Variants in SAMM50 observed in about 807,000 individuals in gnomAD.
SAMM50 encodes the protein SAMM50 sorting and assembly machinery component, also known as sorting and assembly machinery component 50 homolog.
In SAMM50, 47 loss-of-function variants were observed where a neutral mutation model predicts 66.9. That is an observed-to-expected ratio of 0.70 (90% confidence interval 0.56 to 0.90). The LOEUF (loss-of-function observed/expected upper bound fraction) is 0.90. Among genes scored for constraint, SAMM50 ranks in the 40% least tolerant of loss-of-function variants. The pLI, the probability that SAMM50 is intolerant of heterozygous loss-of-function variation, is 0.00. For missense variants in SAMM50, 535 were observed against 595.3 expected (o/e 0.90, Z 1.05); for synonymous variants, 191 against 214.1 (o/e 0.89, Z 0.94).
rs1257272353 is a variant in SAMM50, at chr22:43,981,428, C to T, written c.974C>T (p.Pro325Leu). 1 of 1,613,636 alleles carries T rather than the reference C, an allele frequency of 6.2e-7. No homozygotes were observed. The change falls in exon 11 of 15, where the codon CCC becomes CTC. Residue 325 changes from proline to leucine, a missense_variant. Physicochemically the swap from Pro to Leu is moderately conservative, Grantham distance 98. Transcript: ENST00000350028. ...TCTTTCTGGGGCGGAATGTTGGTAC[C>T]CATTGGTGATAAGCCGTCAAGCATT... ...SASFWGGMLV[P>L]IGDKPSSIAD...
intron 1 of SAMM50, among the ~76,000 whole-genome samples, chr22:43,959,491 T>A (rs1274465812): frequency 7.5e-6 from 1 of 133,258 alleles, no homozygotes; most frequent in Non-Finnish European, 1.6e-5. Flanking sequence ...CAAATATTTA[T>A]TTTATTTTTT....
At chr22:43,968,226 C>CAAAAAAAAAAAAAAAAAAAAAAAAAAAAA (rs66961907) in intron 3 of SAMM50, among the ~76,000 whole-genome samples, 75 of 68,558 alleles carry the variant, frequency 1.1e-3, no homozygotes, top group Admixed American at 1.4e-3. Flanking sequence ...AACTCTGTCT[C>CAAAAAAAAAAAAAAAAAAAAAAAAAAAAA]AAAAAAAAAA....
intron 1 of SAMM50, among the ~76,000 whole-genome samples, chr22:43,959,285 T>G (rs371112412): frequency 6.6e-6 from 1 of 151,566 alleles, no homozygotes; most frequent in African/African-American, 2.4e-5. Flanking sequence ...TCCTGAAGTG[T>G]TGGGATTACA....
At chr22:43,969,160 T>G (rs1398364212) in intron 4 of SAMM50, among the ~76,000 whole-genome samples, 1 of 152,132 alleles carries the variant, frequency 6.6e-6, no homozygotes, top group Non-Finnish European at 1.5e-5. Context: ...AAGATACTGT[T>G]GTGTGAAGCC....
chr22:43,988,047 TTAAAA>T (rs948790634), intron 12 of SAMM50: 1 of 152,196 alleles, frequency 6.6e-6, no homozygotes, highest in Non-Finnish European at 1.5e-5. Context: ...ATGGTAGAAA[TTAAAA>T]TATTTTCATT....
In SAMM50 at chr22:43,989,080, T is replaced by C. The variant is rs369560305; in HGVS notation, c.1076-31T>C. On this transcript the variant is annotated intron_variant, in intron 12 of 14. Transcript: ENST00000350028. ...ACGTGATGTTAACCTTGTCGGACCT[T>C]GTTTTTGTTCTGCACCCCTCCTTTG... 6.9e-6 allele frequency: 11 copies of C among 1,593,572 alleles called. No homozygotes were observed. In the African/African-American group the frequency reaches 1.1e-4, roughly 16 times the overall value.
At chr22:43,958,412 A>G (rs531625665) in intron 1 of SAMM50, among the ~76,000 whole-genome samples, 49 of 150,392 alleles carry the variant, frequency 3.3e-4, no homozygotes, top group African/African-American at 8.8e-4. Flanking sequence ...ATGGTCTGCT[A>G]TGTGCCTAGC....
At chr22:43,970,955 A>G (rs920215840) in intron 4 of SAMM50, among the ~76,000 whole-genome samples, 2 of 152,210 alleles carry the variant, frequency 1.3e-5, no homozygotes. Flanking sequence ...TCATGAGGTC[A>G]GGAGTTCGAG....
intron 13 of SAMM50, among the ~76,000 whole-genome samples, chr22:43,989,534 C>T (rs1380721273): frequency 6.6e-6 from 1 of 152,066 alleles, no homozygotes. Flanking sequence ...GACGAGATTT[C>T]ACCATGTTGG....
In SAMM50 at chr22:43,976,781, C is replaced by G. The variant is rs2050234841; in HGVS notation, c.809C>G (p.Ser270Cys). 6.2e-7 allele frequency: 1 copy of G among 1,612,812 alleles called. No homozygotes were observed. The highest frequency in any genetic ancestry group is 1.7e-5 in the Admixed American group (1 of 59,924). ...ATGGTCATCGATTCTCGGAATTCTT[C>G]CATCTTACCAAGGAGAGGTGCTTTG... The part of the protein sequence containing the change: ...HAMVIDSRNS[S>C]ILPRRGALLK... The change falls in exon 9 of 15, where the codon TCC (serine) becomes TGC (cysteine). Residue 270 changes from serine (S) to cysteine (C), a missense_variant. Physicochemically the swap from Ser to Cys is moderately radical, Grantham distance 112. Coordinates refer to ENST00000350028, the MANE Select transcript of SAMM50 (RefSeq NM_015380.5).
rs532982271 is a variant in SAMM50 at position 43,979,489 on chromosome 22, G to A, written c.936+1531G>A. 1.8e-4 allele frequency among the ~76,000 whole-genome samples: 27 copies of A among 152,266 alleles called. 1 individual carries two copies. In the South Asian group the frequency reaches 5.2e-3, roughly 29 times the overall value. On this transcript the variant is annotated intron_variant, in intron 10 of 14. Transcript: ENST00000350028. ...CTCAGCCACCTGCCACCCACTGGGCGCTGCCCTTCCTCCTCTCAGCACTGC... is the reference window on the plus strand; with the variant it reads ...CTCAGCCACCTGCCACCCACTGGGCACTGCCCTTCCTCCTCTCAGCACTGC...
At chr22:43,957,468 G>A in intron 1 of SAMM50, 1 of 237,738 alleles carries the variant, frequency 4.2e-6, no homozygotes, top group Non-Finnish European at 8.3e-6. Flanking sequence ...TGTTGCCCAG[G>A]CTGGAGTGCA....
rs1355055199 is a variant in SAMM50, at chr22:43,996,433, C to A, written c.*50C>A. 4 of 1,540,128 alleles carry A rather than the reference C, an allele frequency of 2.6e-6. No homozygotes were observed. Among genetic ancestry groups the A allele is most frequent in the Non-Finnish European group, 3.6e-6 (4 of 1,112,590 alleles). ...TGGGACTGGGGCAGCAGCAAGGCGC[C>A]CATGCCACACACCGTCTCTCGAGGA... On this transcript the variant is annotated 3_prime_UTR_variant, in exon 15 of 15. Coordinates refer to ENST00000350028, the MANE Select transcript of SAMM50 (RefSeq NM_015380.5).
chr22:43,993,686 G>A (rs927739055), intron 14 of SAMM50, among the ~76,000 whole-genome samples: 6 of 152,186 alleles, frequency 3.9e-5, no homozygotes, highest in African/African-American at 1.4e-4. Flanking sequence ...CGCTCAGTGT[G>A]AGGCCTTGTT....
At chr22:43,986,682 G>C (rs947120046) in intron 12 of SAMM50, 2 of 151,778 alleles carry the variant, frequency 1.3e-5, no homozygotes, top group Non-Finnish European at 2.9e-5. Context: ...CTCCTGAATA[G>C]CTGGGATTAC....
At chr22:43,985,493 A>C (rs2050287664) in intron 12 of SAMM50, among the ~76,000 whole-genome samples, 1 of 152,048 alleles carries the variant, frequency 6.6e-6, no homozygotes, top group Non-Finnish European at 1.5e-5. Flanking sequence ...AGTAATATGC[A>C]CTTAAGGTCC....
chr22:43,980,846 T>A (rs963502287), intron 10 of SAMM50, among the ~76,000 whole-genome samples: 7 of 152,196 alleles, frequency 4.6e-5, no homozygotes, highest in African/African-American at 1.7e-4. Context: ...TTTTGTGGCA[T>A]GAAGATGGGC....
chr22:43,973,403 A>G (rs2050214558), intron 7 of SAMM50, 80 bp downstream of exon 7: 1 of 848,180 alleles, frequency 1.2e-6, no homozygotes, highest in African/African-American at 1.7e-5. Context: ...AGGCAGCAAG[A>G]GGGCAGCGTG....
chr22:43,981,332 A>C (rs2050263576), intron 10 of SAMM50, 59 bp from the exon 11 acceptor site: 2 of 1,364,492 alleles, frequency 1.5e-6, no homozygotes, highest in East Asian at 4.6e-5. Flanking sequence ...CTAGTTGCTG[A>C]TGTTCCTGGA....
Sources: allele counts gnomAD v4.1 joint callset (sites outside exome capture counted in the v4.1 genomes callset), GRCh38; gene constraint gnomAD v4.1.1; transcripts MANE v1.5; gene names NCBI Gene and HGNC (gene_info 2026-07-23, HGNC 2026-07-21).